Variants in SMARCC2 observed in about 807,000 individuals in gnomAD.
The protein encoded by SMARCC2 is SWI/SNF related BAF chromatin remodeling complex subunit C2.
SMARCC2 carries 15 observed loss-of-function variants against 151.3 expected under a neutral mutation model. The ratio of observed to expected loss-of-function variants is 0.10; its 90% CI spans 0.07 to 0.15. SMARCC2 has a LOEUF of 0.15. Ranked by LOEUF, SMARCC2 falls within the 10% of genes least tolerant of loss-of-function variation. The pLI, the probability that SMARCC2 is intolerant of heterozygous loss-of-function variation, is 1.00. For missense variants in SMARCC2, 1,031 were observed against 1,599.7 expected, an observed-to-expected ratio of 0.64 and a Z score of 6.06; for synonymous variants, 590 against 609.5, an observed-to-expected ratio of 0.97 and a Z score of 0.47.
Position 56,171,134 on chromosome 12 carries a change from T to C in SMARCC2, c.2347+137A>G. ...CTCCAGAGCCCCTGAGGTAAACTCA[T>C]GGGGAAAATAAAAACCCTACCAATG... On this transcript the variant is annotated intron_variant, in intron 22 of 28. Coordinates refer to ENST00000550164, the MANE Select transcript of SMARCC2 (RefSeq NM_001330288.2). This position sits in a 1 kb window ranked among gnomAD's most constrained non-coding sequence, Gnocchi z 4.2. The C allele has an allele frequency of 3.8e-6, 3 of 792,780 alleles. No individual in the cohort carries two copies. Among genetic ancestry groups the C allele is most frequent in the South Asian group, 1.8e-5 (1 of 55,774 alleles). 49.1% of individuals were successfully genotyped at this position (792,780 alleles called of 1,614,324 possible). A position where few individuals can be genotyped will look rare whatever the true frequency, so the allele number is the denominator to read the frequency against.
Position 56,183,840 on chromosome 12 carries a change from GC to G in SMARCC2, c.632+20del, listed in dbSNP as rs1052511003. On this transcript the variant is annotated intron_variant, in intron 7 of 28. Coordinates refer to ENST00000550164, the MANE Select transcript of SMARCC2 (RefSeq NM_001330288.2). ...GGGTCTGGCTCTTATACTTAAACCT[GC>G]CCCAGGAACCCATCCTCACCTGTCA... The G allele has an allele frequency of 4.4e-6, 7 of 1,597,148 alleles. No individual in the cohort carries two copies. Among genetic ancestry groups the G allele is most frequent in the Non-Finnish European group, 6.0e-6 (7 of 1,165,920 alleles).
rs562398455 is a variant in SMARCC2, at chr12:56,173,909, A to C, written c.1497-60T>G. On this transcript the variant is annotated intron_variant, in intron 16 of 28. Coordinates refer to ENST00000550164, the MANE Select transcript of SMARCC2 (RefSeq NM_001330288.2). ...ATAGCCAGAAAGGTGCACGAGGAAGAGGAAAAGTGGGGGGTAGAAGGGGCA... is the reference window on the plus strand; with the variant it reads ...ATAGCCAGAAAGGTGCACGAGGAAGCGGAAAAGTGGGGGGTAGAAGGGGCA... The C allele has an allele frequency of 8.6e-6, 13 of 1,515,808 alleles. No homozygotes were observed. In the South Asian group the frequency reaches 1.6e-4, roughly 19 times the overall value. The allele number at this position is 1,515,808 out of a possible 1,614,324, so 93.9% of individuals were successfully genotyped here.
rs1876326328 is a variant in SMARCC2 at position 56,182,089 on chromosome 12, G to C, written c.633-10C>G. 1 of 1,600,362 alleles carries C rather than the reference G, an allele frequency of 6.2e-7. No homozygotes were observed. Among genetic ancestry groups the C allele is most frequent in the Non-Finnish European group, 8.6e-7 (1 of 1,168,648 alleles). On this transcript the variant is annotated splice_polypyrimidine_tract_variant and intron_variant, in intron 7 of 28. Transcript: ENST00000550164. Reference sequence around the variant, plus strand: ...GATCCACGTGTCGTAACTGCCATGGGAAATTGAGCACACAGTAGAATCAAT... The same window carrying C: ...GATCCACGTGTCGTAACTGCCATGGCAAATTGAGCACACAGTAGAATCAAT...
chr12:56,165,494 A>G lies in SMARCC2; in HGVS notation c.3056T>C (p.Val1019Ala). The change falls in exon 27 of 29, where the codon GTG becomes GCG. Residue 1019 changes from valine (V) to alanine (A), a missense_variant. Val to Ala is a moderately conservative substitution (Grantham distance 64). Around this residue, in one of 12 missense-constraint regions of SMARCC2, gnomAD observed 310 missense variants for 350.0 expected, o/e 0.89. Transcript: ENST00000550164. ...AGPPAVHGLAVAPASVVPAPA... is the reference protein window; with the variant it reads ...AGPPAVHGLAAAPASVVPAPA... ...AGCAGGGACTACAGAGGCTGGAGCC[A>G]CAGCCAAGCCATGGACTGCGGGTGG... The G allele has an allele frequency of 6.3e-7, 1 of 1,580,280 alleles. No homozygotes were observed. The highest frequency in any genetic ancestry group is 8.6e-7 in the Non-Finnish European group (1 of 1,162,752).
At chr12:56,165,756 G>T (rs918354166) in intron 26 of SMARCC2, 57 bp from the exon 27 acceptor site, 3 of 1,527,198 alleles carry the variant, frequency 2.0e-6, no homozygotes, top group Non-Finnish European at 2.7e-6. Flanking sequence ...AAAGGCAAAT[G>T]CCTCAACCCC....
chr12:56,168,309 C>T, intron 25 of SMARCC2, 115 bp from the exon 26 acceptor site: 1 of 1,207,756 alleles, frequency 8.3e-7, no homozygotes, highest in Non-Finnish European at 1.2e-6. Context: ...GTGGTCACAA[C>T]CCATGGTGAA....
intron 22 of SMARCC2, among the ~76,000 whole-genome samples, chr12:56,170,879 C>T (rs1037079192): frequency 8.6e-5 from 13 of 151,886 alleles, no homozygotes; most frequent in African/African-American, 2.7e-4. Flanking sequence ...ATTACAGGCA[C>T]GTGCCACCAC....
chr12:56,164,449 T>C lies in SMARCC2; in HGVS notation c.3515A>G (p.Asn1172Ser). The C allele has an allele frequency of 6.2e-7, 1 of 1,601,196 alleles. No homozygotes were observed. The highest frequency in any genetic ancestry group is 8.5e-7 in the Non-Finnish European group (1 of 1,175,496). ...PPPNLPVSMA[N>S]PLHPNLPATT... The stretch of plus-strand genomic sequence containing the variant: ...CGCCGGCAGGTTAGGATGTAGAGGG[T>C]TCGCCATGGACACAGGCAGGTTAGG... The change falls in exon 28 of 29, where the codon AAC becomes AGC. Residue 1172 changes from asparagine to serine, a missense_variant. By Grantham distance (46) the Asn-to-Ser change is conservative. Around this residue, in one of 12 missense-constraint regions of SMARCC2, gnomAD observed 310 missense variants for 350.0 expected, o/e 0.89. Coordinates refer to ENST00000550164, the MANE Select transcript of SMARCC2 (RefSeq NM_001330288.2).
rs769151954 is a variant in SMARCC2, at chr12:56,172,478, C to A, written c.1876G>T (p.Ala626Ser). ...KNVPSKSKAA[A>S]SATREWTEQE... ...TCTGTCCACTCACGAGTGGCACTGG[C>A]TGCAGCCTTGCTCTGCAGGGGAAAC... The change falls in exon 20 of 29, where the codon GCC becomes TCC. Residue 626 changes from alanine (A) to serine (S), a missense_variant. Ala to Ser is a moderately conservative substitution (Grantham distance 99). This residue lies in a region of SMARCC2 where 99 missense variants were observed against 148.3 expected (regional missense o/e 0.67). Transcript: ENST00000550164. The A allele has an allele frequency of 6.3e-7, 1 of 1,599,810 alleles. No individual in the cohort carries two copies. The highest frequency in any genetic ancestry group is 1.1e-5 in the South Asian group (1 of 89,954).
In SMARCC2 at chr12:56,181,717, G is replaced by C; in HGVS notation, c.827C>G (p.Thr276Arg). The C allele has an allele frequency of 6.2e-7, 1 of 1,614,086 alleles. No individual in the cohort carries two copies. The highest frequency in any genetic ancestry group is 8.5e-7 in the Non-Finnish European group (1 of 1,180,040). The part of the protein sequence containing the change: ...VSRRKKISAK[T>R]LTDEVNSPDS... ...AGGATTTGTCACCTCATCTGTCAGT[G>C]TCTTGGCTGAAATCTTCTTTCGGCG... The change falls in exon 9 of 29, where the codon ACA becomes AGA. Residue 276 changes from threonine (T) to arginine (R), a missense_variant. Around this residue, in one of 12 missense-constraint regions of SMARCC2, gnomAD observed 123 missense variants for 190.4 expected, o/e 0.65. Transcript: ENST00000550164.
intron 10 of SMARCC2, 42 bp from the exon 11 acceptor site, chr12:56,181,143 G>A (rs1321317656): frequency 7.6e-6 from 12 of 1,588,230 alleles, no homozygotes; most frequent in Non-Finnish European, 1.0e-5. Flanking sequence ...GTCATCCTTG[G>A]ACAAGGAGTC....
At chr12:56,180,911 G>A in intron 11 of SMARCC2, 66 bp downstream of exon 11, 6 of 1,531,184 alleles carry the variant, frequency 3.9e-6, no homozygotes, top group Non-Finnish European at 5.3e-6. Context: ...GCTCACTTGG[G>A]GTTTGGCAAA....
chr12:56,174,644 G>C lies in SMARCC2; in HGVS notation c.1496+7C>G. On this transcript the variant is annotated splice_region_variant and intron_variant, in intron 16 of 28. Transcript: ENST00000550164. ...TGTACCCCCTTCCCCTCAGCCACAA[G>C]ACCCACCTCATGATGGCACAGACAT... 5 of 1,596,482 alleles carry C rather than the reference G, an allele frequency of 3.1e-6. No individual in the cohort carries two copies. The highest frequency in any genetic ancestry group is 3.4e-6 in the Non-Finnish European group (4 of 1,164,566).
chr12:56,184,091 GC>G, intron 6 of SMARCC2, 83 bp downstream of exon 6: 1 of 1,115,576 alleles, frequency 9.0e-7, no homozygotes, highest in Non-Finnish European at 1.3e-6. Context: ...AAGAGGAGGA[GC>G]CCAGGTACTG....
chr12:56,186,997 T>C, intron 2 of SMARCC2, 190 bp downstream of exon 2: 1 of 532,992 alleles, frequency 1.9e-6, no homozygotes, highest in Non-Finnish European at 3.3e-6. Context: ...AAAATATTAC[T>C]AAGACAAAAA....
At chr12:56,188,104 T>G (rs762345393) in intron 1 of SMARCC2, among the ~76,000 whole-genome samples, 6 of 152,138 alleles carry the variant, frequency 3.9e-5, no homozygotes, top group Non-Finnish European at 7.4e-5. Flanking sequence ...TGAAAAGAGA[T>G]AGATCTGTGA....
At position 56,171,572 on chromosome 12, in the gene SMARCC2, C is replaced by T. The variant is rs965084807; in HGVS notation, c.2185+107G>A. On this transcript the variant is annotated intron_variant, in intron 21 of 28. Coordinates refer to ENST00000550164, the MANE Select transcript of SMARCC2 (RefSeq NM_001330288.2). The surrounding 1 kb of genome is among the most constrained non-coding windows in gnomAD (Gnocchi z 4.2). Reference sequence around the variant, plus strand: ...ACAGGTGCCTGAGCTGAGGCCCGCACAGACAAGGCCAGCAGGGCAGCCAAA... The same window carrying T: ...ACAGGTGCCTGAGCTGAGGCCCGCATAGACAAGGCCAGCAGGGCAGCCAAA... 4.7e-6 allele frequency: 7 copies of T among 1,485,368 alleles called. No individual in the cohort carries two copies. In the African/African-American group the frequency reaches 7.0e-5, roughly 15 times the overall value. The allele number at this position is 1,485,368 out of a possible 1,614,324, so 92.0% of individuals were successfully genotyped here. A position where few individuals can be genotyped will look rare whatever the true frequency, so the allele number is the denominator to read the frequency against.
rs1872178458 is a variant in SMARCC2, at chr12:56,163,548, G to A, written c.*141C>T. On this transcript the variant is annotated 3_prime_UTR_variant, in exon 29 of 29. Transcript: ENST00000550164. ...GCATGCCTCTGTTAGGCATGGTGAG[G>A]GCTTTGGAGGGGCGGAAGGAGCTTT... 2.1e-6 allele frequency: 1 copy of A among 469,700 alleles called. No individual in the cohort carries two copies. Among genetic ancestry groups the A allele is most frequent in the African/African-American group, 2.0e-5 (1 of 49,688 alleles). 29.1% of individuals were successfully genotyped at this position (469,700 alleles called of 1,614,324 possible).
At chr12:56,188,584 C>T (rs1877728766) in intron 1 of SMARCC2, among the ~76,000 whole-genome samples, 3 of 152,146 alleles carry the variant, frequency 2.0e-5, no homozygotes, top group Admixed American at 6.5e-5. Flanking sequence ...TGTTCACCAC[C>T]TTATGATCTC....
Sources: gnomAD v4.1 joint callset for allele counts (sites outside exome capture counted in the v4.1 genomes callset) on GRCh38, gnomAD v4.1.1 for gene constraint, gnomAD v4.1.1 regional missense constraint, Gnocchi (gnomAD v3.1) non-coding constraint, MANE v1.5 for transcripts, NCBI Gene and HGNC (gene_info 2026-07-23, HGNC 2026-07-21) for gene names.